Variants in RUFY2 observed in about 807,000 individuals in gnomAD.
RUFY2 encodes RUN and FYVE domain-containing protein 2.
In RUFY2, 49 loss-of-function variants were observed where a neutral mutation model predicts 94.4. That is an observed-to-expected ratio of 0.52 (90% CI 0.41 to 0.66). RUFY2 has a LOEUF of 0.66. Among genes scored for constraint, RUFY2 ranks in the 30% least tolerant of loss-of-function variants. The pLI, the probability that RUFY2 is intolerant of heterozygous loss-of-function variation, is 0.00. For synonymous variants in RUFY2, 255 were observed against 235.7 expected, an observed-to-expected ratio of 1.08 and a Z score of -0.75; for missense variants, 541 against 692.8, an observed-to-expected ratio of 0.78 and a Z score of 2.46.
In RUFY2 at chr10:68,346,021, G is replaced by A. The variant is rs776923455; in HGVS notation, c.1663C>T (p.Leu555Phe). The change falls in exon 17 of 18, where the codon CTC (leucine) becomes TTC (phenylalanine). Residue 555 changes from leucine to phenylalanine, a missense_variant. Leu to Phe is a conservative substitution (Grantham distance 22). This residue lies in a region of RUFY2 where 403 missense variants were observed against 480.7 expected (regional missense o/e 0.84). Coordinates refer to ENST00000602465, the MANE Select transcript of RUFY2 (RefSeq NM_001330103.2). The part of the protein sequence containing the change: ...HCKLCEKEFS[L>F]SKRKHHCRNC... ...ATCTCCCTTACCTTTCTCTTAGAGAGTGAGAATTCCTTTTCACAAAGTTTA... is the reference window on the plus strand; with the variant it reads ...ATCTCCCTTACCTTTCTCTTAGAGAATGAGAATTCCTTTTCACAAAGTTTA... The A allele has an allele frequency of 1.9e-6, 3 of 1,613,828 alleles. No individual in the cohort carries two copies. Among genetic ancestry groups the A allele is most frequent in the Admixed American group, 1.7e-5 (1 of 59,992 alleles).
At position 68,407,237 on chromosome 10, in the gene RUFY2, C is replaced by G; in HGVS notation, c.-48G>C. The G allele has an allele frequency of 1.5e-6, 2 of 1,326,102 alleles. No individual in the cohort carries two copies. Among genetic ancestry groups the G allele is most frequent in the South Asian group, 3.9e-5 (2 of 51,786 alleles). 82.1% of individuals were successfully genotyped at this position (1,326,102 alleles called of 1,614,324 possible). On this transcript the variant is annotated 5_prime_UTR_variant, in exon 1 of 18. Transcript: ENST00000602465. ...CGGGCGGAGGCTCCCTCGGCCTGTCCAGCAGCTCCTTCCAGGCGCTCGGCG... is the reference window on the plus strand; with the variant it reads ...CGGGCGGAGGCTCCCTCGGCCTGTCGAGCAGCTCCTTCCAGGCGCTCGGCG...
chr10:68,399,221 T>C (rs1033812225), intron 3 of RUFY2, among the ~76,000 whole-genome samples: 12 of 151,800 alleles, frequency 7.9e-5, no homozygotes, highest in African/African-American at 2.9e-4. Context: ...TTTTTTTGTA[T>C]TTTTAGTAGA....
At chr10:68,400,032 G>A (rs560399133) in intron 3 of RUFY2, among the ~76,000 whole-genome samples, 7 of 151,894 alleles carry the variant, frequency 4.6e-5, no homozygotes, top group Non-Finnish European at 7.4e-5. Context: ...CGCCCACCTC[G>A]GCCTCCCAAA....
chr10:68,375,470 T>TA lies in RUFY2; in HGVS notation c.1325+1382dup, dbSNP rs201658260. 3.4e-5 allele frequency among the ~76,000 whole-genome samples: 5 copies of TA among 148,670 alleles called. No homozygotes were observed. In the East Asian group the frequency reaches 5.9e-4, roughly 18 times the overall value. ...GTACCCCCAAACCTAAAATAAAAGT[T>TA]AAAAAAAAAATTAGAGACAATTGGC... is the stretch of plus-strand genomic sequence containing the variant. On this transcript the variant is annotated intron_variant, in intron 13 of 17. Coordinates refer to ENST00000602465, the MANE Select transcript of RUFY2 (RefSeq NM_001330103.2).
rs199828777 is a variant in RUFY2 at position 68,376,976 on chromosome 10, G to T, written c.1206-4C>A. The T allele has an allele frequency of 3.3e-5, 54 of 1,612,928 alleles. No homozygotes were observed. The highest frequency in any genetic ancestry group is 1.0e-5 in the Non-Finnish European group (12 of 1,179,836). On this transcript the variant is annotated splice_region_variant and splice_polypyrimidine_tract_variant and intron_variant, in intron 12 of 17. Transcript: ENST00000602465. The stretch of plus-strand genomic sequence containing the variant: ...CGCCTTCTCTGCTTGCTGCAATCTG[G>T]TGTAATTCAAATCAACTTTGGGTAA...
chr10:68,358,980 T>C (rs1031792607), intron 15 of RUFY2, among the ~76,000 whole-genome samples: 1 of 152,192 alleles, frequency 6.6e-6, no homozygotes, highest in Non-Finnish European at 1.5e-5. Context: ...AATGCTCTTA[T>C]TCATAAATAA....
chr10:68,377,912 T>C, intron 12 of RUFY2: 2 of 985,400 alleles, frequency 2.0e-6, no homozygotes, highest in Non-Finnish European at 2.4e-6. Context: ...GGGGTATAAA[T>C]GCTGCTTCCA....
chr10:68,379,846 C>T (rs1347215936), intron 11 of RUFY2, among the ~76,000 whole-genome samples: 4 of 149,216 alleles, frequency 2.7e-5, no homozygotes, highest in African/African-American at 5.0e-5. Flanking sequence ...CTCACTCTGT[C>T]GCCCAGGCTG....
downstream of RUFY2, chr10:68,343,186 A>AGAT (rs1424454324): frequency 6.6e-6 from 1 of 152,162 alleles, no homozygotes; most frequent in Non-Finnish European, 1.5e-5. Flanking sequence ...TCATTGTGGG[A>AGAT]GATAATAGTA....
chr10:68,356,316 C>T (rs1411817891), intron 15 of RUFY2, among the ~76,000 whole-genome samples: 1 of 151,848 alleles, frequency 6.6e-6, no homozygotes, highest in Non-Finnish European at 1.5e-5. Context: ...CCAGCCTGGT[C>T]AATATACAGT....
At chr10:68,405,579 G>A in intron 1 of RUFY2, 1 of 740,404 alleles carries the variant, frequency 1.4e-6, no homozygotes, top group East Asian at 1.3e-4. Flanking sequence ...AGGCAAAAAT[G>A]TTCAGAATAA....
chr10:68,374,454 C>T (rs1412387719), intron 13 of RUFY2, among the ~76,000 whole-genome samples: 1 of 152,022 alleles, frequency 6.6e-6, no homozygotes, highest in Non-Finnish European at 1.5e-5. Flanking sequence ...AAAGGGTCAA[C>T]CTACCAAGAA....
At chr10:68,392,798 C>A (rs895446926) in intron 7 of RUFY2, among the ~76,000 whole-genome samples, 1 of 150,570 alleles carries the variant, frequency 6.6e-6, no homozygotes, top group African/African-American at 2.4e-5. Context: ...TGTGGTGGTG[C>A]GCGCCTATAG....
chr10:68,371,016 C>T (rs2048232285), intron 13 of RUFY2, among the ~76,000 whole-genome samples: 1 of 151,626 alleles, frequency 6.6e-6, no homozygotes, highest in Admixed American at 6.6e-5. Flanking sequence ...CCTGTAGTCC[C>T]AGCTACTCGG....
downstream of RUFY2, chr10:68,341,746 T>A: frequency 6.3e-7 from 1 of 1,592,534 alleles, no homozygotes; most frequent in Non-Finnish European, 8.5e-7. Flanking sequence ...TTTTTTCTTT[T>A]TTCTTTTTAA....
At chr10:68,347,541 C>G (rs1490314354) in intron 16 of RUFY2, among the ~76,000 whole-genome samples, 1 of 152,082 alleles carries the variant, frequency 6.6e-6, no homozygotes, top group East Asian at 1.9e-4. Flanking sequence ...ACTTCGGCCT[C>G]CCAAAGTGCT....
intron 8 of RUFY2, among the ~76,000 whole-genome samples, chr10:68,384,429 T>C (rs982359164): frequency 6.6e-6 from 1 of 152,264 alleles, no homozygotes; most frequent in African/African-American, 2.4e-5. Flanking sequence ...AATAAACATA[T>C]TATGTTTACT....
At chr10:68,384,755 C>T (rs908427922) in intron 8 of RUFY2, among the ~76,000 whole-genome samples, 5 of 152,184 alleles carry the variant, frequency 3.3e-5, no homozygotes, top group African/African-American at 1.2e-4. Flanking sequence ...GAAAGCAAAG[C>T]AGAGACCATT....
chr10:68,406,224 T>C (rs1253565327), intron 1 of RUFY2, among the ~76,000 whole-genome samples: 1 of 152,068 alleles, frequency 6.6e-6, no homozygotes, highest in Admixed American at 6.6e-5. Context: ...CCAGCTCCGA[T>C]TTCTAGATAG....
Sources: gnomAD v4.1 joint callset for allele counts (sites outside exome capture counted in the v4.1 genomes callset) on GRCh38, gnomAD v4.1.1 for gene constraint, gnomAD v4.1.1 regional missense constraint, MANE v1.5 for transcripts, NCBI Gene and HGNC (gene_info 2026-07-23, HGNC 2026-07-21) for gene names.